The following CSMD1 variants were observed in gnomAD, a reference collection of about 807,000 sequenced individuals.
CSMD1 encodes CUB and Sushi multiple domains 1.
CSMD1 carries 213 observed loss-of-function variants against 417.5 expected under a neutral mutation model. The observed-to-expected ratio is 0.51, with a 90% CI of 0.46 to 0.57. The LOEUF (loss-of-function observed/expected upper bound fraction) is 0.57. Among genes scored for constraint, CSMD1 ranks in the 20% least tolerant of loss-of-function variants. The pLI is 0.00. For missense variants in CSMD1, 6,923 were observed against 4,529.7 expected, an observed-to-expected ratio of 1.53 and a Z score of -15.17; for synonymous variants, 2,862 against 1,736.8, an observed-to-expected ratio of 1.65 and a Z score of -16.11.
chr8:4,092,140 T>G (rs554310790), intron 3 of CSMD1, among the ~76,000 whole-genome samples: 26 of 152,060 alleles, frequency 1.7e-4, no homozygotes, highest in Non-Finnish European at 3.7e-4. Context: ...GAGAAGAAAA[T>G]TTTTCCTTAA....
intron 5 of CSMD1, among the ~76,000 whole-genome samples, chr8:3,908,263 C>CTT (rs34520622): frequency 0.65 from 98,828 of 151,896 alleles, 33,077 homozygotes; most frequent in South Asian, 0.8. Context: ...AAAGCTGAGT[C>CTT]AGGTTCATCA....
intron 52 of CSMD1, among the ~76,000 whole-genome samples, chr8:3,015,905 C>A (rs1171162784): frequency 6.6e-6 from 1 of 152,176 alleles, no homozygotes; most frequent in African/African-American, 2.4e-5. Flanking sequence ...AACTAAGGCA[C>A]AAAGACCCTT....
chr8:3,129,012 T>G (rs1451760674), intron 41 of CSMD1: 4 of 347,374 alleles, frequency 1.2e-5, no homozygotes, highest in African/African-American at 8.6e-5. Context: ...ATAAAACACT[T>G]GCTTAGCCAA....
rs545607573 is a variant in CSMD1, at chr8:3,962,602, G to A, written c.818+35301C>T. On this transcript the variant is annotated intron_variant, in intron 5 of 69. Transcript: ENST00000635120. ...AGCAATGAAATCCATGCTATGAAGAGGAAAGGAGAGGATCATTGGCTGAAA... is the reference window on the plus strand; with the variant it reads ...AGCAATGAAATCCATGCTATGAAGAAGAAAGGAGAGGATCATTGGCTGAAA... 2.0e-5 allele frequency among the ~76,000 whole-genome samples: 3 copies of A among 152,224 alleles called. No individual in the cohort carries two copies. In the South Asian group the frequency reaches 6.2e-4, roughly 32 times the overall value.
At chr8:4,357,716 G>A (rs1049766960) in intron 3 of CSMD1, among the ~76,000 whole-genome samples, 4 of 152,010 alleles carry the variant, frequency 2.6e-5, no homozygotes, top group Non-Finnish European at 5.9e-5. Flanking sequence ...ATTAATTTGA[G>A]ATCAAGAGAT....
intron 7 of CSMD1, among the ~76,000 whole-genome samples, chr8:3,660,213 C>G (rs1211626258): frequency 1.3e-5 from 2 of 152,096 alleles, no homozygotes; most frequent in Non-Finnish European, 1.5e-5. Flanking sequence ...CCGCAATTAT[C>G]TACATTTGAA....
intron 5 of CSMD1, among the ~76,000 whole-genome samples, chr8:3,815,656 C>T (rs1418063903): frequency 1.3e-5 from 2 of 149,758 alleles, no homozygotes; most frequent in African/African-American, 2.5e-5. Context: ...AATAAACAAC[C>T]TAGACAATAT....
intron 3 of CSMD1, among the ~76,000 whole-genome samples, chr8:4,344,701 T>C (rs1800680904): frequency 1.3e-5 from 2 of 151,896 alleles, no homozygotes; most frequent in South Asian, 4.1e-4. Flanking sequence ...TTCCTAAAAA[T>C]AAAAAGGCAT....
intron 3 of CSMD1, among the ~76,000 whole-genome samples, chr8:4,237,370 A>T (rs1232070601): frequency 1.3e-5 from 2 of 152,076 alleles, no homozygotes; most frequent in East Asian, 3.8e-4. Context: ...TCTGAGACTC[A>T]GTTTCCGTTT....
intron 9 of CSMD1, among the ~76,000 whole-genome samples, chr8:3,584,054 A>T (rs1002477416): frequency 6.6e-6 from 1 of 152,132 alleles, no homozygotes; most frequent in South Asian, 2.1e-4. Flanking sequence ...TTCCAGCAGT[A>T]TAAGTCATTA....
intron 49 of CSMD1, 148 bp from the exon 50 acceptor site, chr8:3,052,795 T>G: frequency 3.2e-5 from 18 of 556,202 alleles, no homozygotes; most frequent in Non-Finnish European, 4.8e-5. Context: ...CTTTTTTTTT[T>G]CTGGAGACAA....
At chr8:3,074,691 G>A (rs1041410106) in intron 49 of CSMD1, among the ~76,000 whole-genome samples, 8 of 152,160 alleles carry the variant, frequency 5.3e-5, no homozygotes, top group Admixed American at 1.3e-4. Context: ...AGTTAGAAAC[G>A]ACATAACTGG....
At chr8:4,079,447 G>C (rs534303939) in intron 3 of CSMD1, among the ~76,000 whole-genome samples, 20 of 152,274 alleles carry the variant, frequency 1.3e-4, no homozygotes, top group Non-Finnish European at 2.8e-4. Flanking sequence ...CCATCAGGCA[G>C]CTCCATTCTT....
chr8:3,355,703 T>A (rs1291726161), intron 21 of CSMD1, among the ~76,000 whole-genome samples: 1 of 152,206 alleles, frequency 6.6e-6, no homozygotes, highest in African/African-American at 2.4e-5. Flanking sequence ...CCTCAGGTTC[T>A]TGTTGATGAG....
intron 5 of CSMD1, among the ~76,000 whole-genome samples, chr8:3,834,691 G>C (rs773211429): frequency 4.5e-4 from 68 of 151,992 alleles, no homozygotes; most frequent in Middle Eastern, 6.8e-3. Context: ...ACGTGTAGTT[G>C]GTGTCAAAAG....
intron 3 of CSMD1, among the ~76,000 whole-genome samples, chr8:4,391,420 T>C (rs1043638291): frequency 4.6e-5 from 7 of 152,178 alleles, no homozygotes; most frequent in African/African-American, 1.4e-4. Flanking sequence ...TTCAGAGCCT[T>C]AGTGATTGAG....
At chr8:3,132,024 C>T (rs1418055199) in intron 41 of CSMD1, among the ~76,000 whole-genome samples, 1 of 152,144 alleles carries the variant, frequency 6.6e-6, no homozygotes, top group African/African-American at 2.4e-5. Flanking sequence ...CCAAACTCAT[C>T]CTTCACCTTT....
intron 25 of CSMD1, among the ~76,000 whole-genome samples, chr8:3,287,817 T>A (rs147548121): frequency 1.3e-5 from 2 of 151,478 alleles, no homozygotes; most frequent in African/African-American, 2.4e-5. Flanking sequence ...CTGATTGCCC[T>A]GGCCAGAACT....
In CSMD1 at chr8:4,956,785, A is replaced by C. The variant is rs141619777; in HGVS notation, c.85+37547T>G. ...GAGACTTCACAAACAGGACAAGTTC[A>C]CCTTCCACTTAGATTTTCTCCTCCC... is the stretch of plus-strand genomic sequence containing the variant. On this transcript the variant is annotated intron_variant, in intron 1 of 69. Coordinates refer to ENST00000635120, the MANE Select transcript of CSMD1 (RefSeq NM_033225.6). 1.0e-3 allele frequency among the ~76,000 whole-genome samples: 155 copies of C among 152,246 alleles called. 3 individuals are homozygous for C. In the East Asian group the frequency reaches 0.013, roughly 13 times the overall value.
Sources: gnomAD v4.1 joint callset for allele counts (sites outside exome capture counted in the v4.1 genomes callset) on GRCh38, gnomAD v4.1.1 for gene constraint, MANE v1.5 for transcripts, NCBI Gene and HGNC (gene_info 2026-07-23, HGNC 2026-07-21) for gene names.